Variants in LRRTM4 observed in about 807,000 individuals in gnomAD.
LRRTM4 encodes the protein leucine-rich repeat transmembrane neuronal protein 4.
LRRTM4 carries 25 observed loss-of-function variants against 47.6 expected under a neutral mutation model. That is an observed-to-expected ratio of 0.53 (90% CI 0.38 to 0.73). The LOEUF is 0.73. LRRTM4 is among the 30% of genes least tolerant of loss of function. The pLI, the probability that LRRTM4 is intolerant of heterozygous loss-of-function variation, is 0.00. For synonymous variants in LRRTM4, 311 were observed against 269.5 expected, an observed-to-expected ratio of 1.15 and a Z score of -1.51; for missense variants, 638 against 713.4, an observed-to-expected ratio of 0.89 and a Z score of 1.20.
intron 3 of LRRTM4, among the ~76,000 whole-genome samples, chr2:76,899,161 G>A (rs1673527811): frequency 6.6e-6 from 1 of 151,858 alleles, no homozygotes; most frequent in African/African-American, 2.4e-5. Context: ...ATATGAGTAT[G>A]CATATACCTC....
At chr2:77,440,281 G>A (rs1389254731) in intron 3 of LRRTM4, among the ~76,000 whole-genome samples, 1 of 152,132 alleles carries the variant, frequency 6.6e-6, no homozygotes, top group East Asian at 1.9e-4. Flanking sequence ...GGGCGTGGTG[G>A]CGGGCGCCTG....
intron 3 of LRRTM4, among the ~76,000 whole-genome samples, chr2:76,765,984 T>C (rs775746769): frequency 5.9e-5 from 9 of 152,180 alleles, no homozygotes; most frequent in Non-Finnish European, 1.0e-4. Context: ...AATTTAATAA[T>C]TGAGTGGTGG....
At chr2:77,415,359 G>T (rs1674598013) in intron 3 of LRRTM4, among the ~76,000 whole-genome samples, 1 of 152,038 alleles carries the variant, frequency 6.6e-6, no homozygotes, top group Non-Finnish European at 1.5e-5. Context: ...TCTGCCAGTT[G>T]AAAGTTGCTT....
At chr2:76,975,995 CTT>C (rs1676406596) in intron 3 of LRRTM4, among the ~76,000 whole-genome samples, 1 of 151,720 alleles carries the variant, frequency 6.6e-6, no homozygotes, top group Non-Finnish European at 1.5e-5. Context: ...TCATTTCTTG[CTT>C]CTAATTCTTT....
At chr2:76,910,960 C>T (rs1335692265) in intron 3 of LRRTM4, among the ~76,000 whole-genome samples, 1 of 152,138 alleles carries the variant, frequency 6.6e-6, no homozygotes, top group Non-Finnish European at 1.5e-5. Context: ...CATAAAATGT[C>T]TTTACTCAGA....
intron 3 of LRRTM4, among the ~76,000 whole-genome samples, chr2:76,809,090 C>T (rs953478538): frequency 3.3e-5 from 5 of 151,942 alleles, no homozygotes; most frequent in African/African-American, 1.2e-4. Flanking sequence ...TGATTCAATA[C>T]ACATGTTTAT....
At chr2:77,059,844 T>G (rs1679728918) in intron 3 of LRRTM4, among the ~76,000 whole-genome samples, 1 of 152,214 alleles carries the variant, frequency 6.6e-6, no homozygotes. Flanking sequence ...GTGAAGTCTA[T>G]TATACCTGAA....
At chr2:77,237,289 T>C (rs1675128576) in intron 3 of LRRTM4, among the ~76,000 whole-genome samples, 1 of 152,036 alleles carries the variant, frequency 6.6e-6, no homozygotes, top group Non-Finnish European at 1.5e-5. Context: ...TCTTTGTGTC[T>C]TTCCAGGATT....
At position 77,001,077 on chromosome 2, in the gene LRRTM4, A is replaced by G. The variant is rs184374575; in HGVS notation, c.1552-252161T>C. On this transcript the variant is annotated intron_variant, in intron 3 of 3. Coordinates refer to ENST00000409884, the MANE Select transcript of LRRTM4 (RefSeq NM_001134745.3). Reference sequence around the variant, plus strand: ...TACAAAAATGTGTTCAGTATATTTAAGCTAACTAACTAAAGTTATCCTGCC... The same window carrying G: ...TACAAAAATGTGTTCAGTATATTTAGGCTAACTAACTAAAGTTATCCTGCC... Among the ~76,000 whole-genome samples, 231 of 152,312 alleles carry G rather than the reference A, an allele frequency of 1.5e-3. 1 individual carries two copies. Among genetic ancestry groups the G allele is most frequent in the Non-Finnish European group, 2.1e-3 (146 of 68,020 alleles).
intron 3 of LRRTM4, among the ~76,000 whole-genome samples, chr2:77,045,323 C>A (rs1003276653): frequency 6.6e-6 from 1 of 151,532 alleles, no homozygotes; most frequent in Non-Finnish European, 1.5e-5. Flanking sequence ...TTCCTCATTC[C>A]TTTTATCTAT....
chr2:77,250,224 G>A (rs538290112), intron 3 of LRRTM4, among the ~76,000 whole-genome samples: 3 of 152,240 alleles, frequency 2.0e-5, no homozygotes, highest in East Asian at 1.9e-4. Context: ...AAACTATCAC[G>A]TCATAATAAA....
rs550066874 is a variant in LRRTM4 at position 77,104,762 on chromosome 2, C to T, written c.1552-355846G>A. On this transcript the variant is annotated intron_variant, in intron 3 of 3. Transcript: ENST00000409884. The stretch of plus-strand genomic sequence containing the variant: ...CGAGCAGGGTTTATTCAGTGCAGTC[C>T]AATTCAGAGGTGAGCGCCAGGGTAC... Among the ~76,000 whole-genome samples the T allele has an allele frequency of 3.3e-5, 5 of 152,208 alleles. No individual in the cohort carries two copies. In the East Asian group the frequency reaches 7.7e-4, roughly 24 times the overall value.
At chr2:76,805,953 C>CTA (rs1460708529) in intron 3 of LRRTM4, among the ~76,000 whole-genome samples, 2 of 152,174 alleles carry the variant, frequency 1.3e-5, no homozygotes, top group East Asian at 3.8e-4. Flanking sequence ...CACCTGATTT[C>CTA]TATCTCGAAG....
intron 3 of LRRTM4, among the ~76,000 whole-genome samples, chr2:77,034,230 AAAT>A (rs1237256180): frequency 6.6e-6 from 1 of 151,916 alleles, no homozygotes; most frequent in Non-Finnish European, 1.5e-5. Context: ...GAACTTAGTG[AAAT>A]ATTATAAGGT....
chr2:77,048,777 C>G (rs1679317364), intron 3 of LRRTM4, among the ~76,000 whole-genome samples: 1 of 151,700 alleles, frequency 6.6e-6, no homozygotes, highest in African/African-American at 2.4e-5. Flanking sequence ...TGAGAACATT[C>G]AAAGTCCATT....
intron 3 of LRRTM4, among the ~76,000 whole-genome samples, chr2:76,949,312 ATATGAAGAAG>A (rs1186536335): frequency 6.6e-6 from 1 of 151,914 alleles, no homozygotes; most frequent in Non-Finnish European, 1.5e-5. Flanking sequence ...AGGATGAAGT[ATATGAAGAAG>A]TATGAAGAAG....
intron 3 of LRRTM4, among the ~76,000 whole-genome samples, chr2:77,075,776 G>A (rs982427789): frequency 2.0e-5 from 3 of 148,858 alleles, no homozygotes; most frequent in East Asian, 4.0e-4. Flanking sequence ...TTAGCCGGGC[G>A]TAGTGGCGGG....
chr2:77,156,308 T>C (rs949624677), intron 3 of LRRTM4, among the ~76,000 whole-genome samples: 20 of 126,662 alleles, frequency 1.6e-4, no homozygotes, highest in Non-Finnish European at 3.0e-4. Context: ...ACAACAAACA[T>C]AAGTAAAAGA....
intron 3 of LRRTM4, among the ~76,000 whole-genome samples, chr2:77,380,797 A>C (rs1025754809): frequency 6.8e-6 from 1 of 146,856 alleles, no homozygotes; most frequent in African/African-American, 2.5e-5. Flanking sequence ...CTCCATCTCG[A>C]AAAAAAAAAA....
Sources: allele counts gnomAD v4.1 joint callset (sites outside exome capture counted in the v4.1 genomes callset), GRCh38; gene constraint gnomAD v4.1.1; transcripts MANE v1.5; gene names NCBI Gene and HGNC (gene_info 2026-07-23, HGNC 2026-07-21).